Variants in TAFA1 observed in about 807,000 individuals in gnomAD.
The protein encoded by TAFA1 is chemokine-like protein TAFA-1.
A neutral mutation model predicts 18.5 loss-of-function variants in TAFA1; 4 were observed. That is an observed-to-expected ratio of 0.22 (90% CI 0.11 to 0.49). The LOEUF (loss-of-function observed/expected upper bound fraction) is 0.49. TAFA1 is among the 20% of genes least tolerant of loss of function. TAFA1 has a pLI of 0.98. For missense variants in TAFA1, 147 were observed against 169.0 expected (o/e 0.87, Z 0.72); for synonymous variants, 56 against 55.2 (o/e 1.01, Z -0.06).
chr3:68,528,109 C>T (rs766462090), intron 3 of TAFA1, among the ~76,000 whole-genome samples: 3 of 152,082 alleles, frequency 2.0e-5, no homozygotes, highest in Non-Finnish European at 4.4e-5. Flanking sequence ...AAGGCATTAA[C>T]CCTGTATGAA....
At chr3:68,134,830 C>G (rs1263316975) in intron 2 of TAFA1, among the ~76,000 whole-genome samples, 1 of 152,186 alleles carries the variant, frequency 6.6e-6, no homozygotes, top group Non-Finnish European at 1.5e-5. Context: ...GTTCCCTTTT[C>G]TTTCTTATTC....
intron 3 of TAFA1, among the ~76,000 whole-genome samples, chr3:68,527,308 C>T (rs1404902140): frequency 6.6e-6 from 1 of 152,196 alleles, no homozygotes; most frequent in Admixed American, 6.5e-5. Flanking sequence ...CCTTGAGTTG[C>T]AAAAGGTCTC....
At chr3:68,105,361 C>T (rs147976740) in intron 2 of TAFA1, among the ~76,000 whole-genome samples, 1 of 152,144 alleles carries the variant, frequency 6.6e-6, no homozygotes, top group Non-Finnish European at 1.5e-5. Flanking sequence ...GACAGAAACA[C>T]AGTCGTGTCA....
chr3:68,414,448 C>T (rs1228010259), intron 2 of TAFA1, among the ~76,000 whole-genome samples: 2 of 152,120 alleles, frequency 1.3e-5, no homozygotes, highest in Non-Finnish European at 2.9e-5. Context: ...AAGGCACAAC[C>T]ACTTGTGAAA....
At chr3:68,302,789 A>C (rs2068329527) in intron 2 of TAFA1, among the ~76,000 whole-genome samples, 1 of 152,148 alleles carries the variant, frequency 6.6e-6, no homozygotes, top group African/African-American at 2.4e-5. Flanking sequence ...TAACTATACA[A>C]ACCAGCAAGG....
intron 2 of TAFA1, among the ~76,000 whole-genome samples, chr3:68,253,986 C>G (rs1381237539): frequency 5.9e-5 from 9 of 152,034 alleles, no homozygotes; most frequent in African/African-American, 2.2e-4. Flanking sequence ...ACATAATTGG[C>G]AAATCTGTAA....
chr3:68,249,468 G>C (rs1345751358), intron 2 of TAFA1, among the ~76,000 whole-genome samples: 1 of 152,166 alleles, frequency 6.6e-6, no homozygotes, highest in Non-Finnish European at 1.5e-5. Context: ...AATCACAACT[G>C]TCAGGGCTTG....
intron 2 of TAFA1, among the ~76,000 whole-genome samples, chr3:68,070,772 C>A (rs924843300): frequency 1.3e-5 from 2 of 152,206 alleles, no homozygotes; most frequent in Non-Finnish European, 2.9e-5. Context: ...CTCTCAAGTT[C>A]AAAGTTCCAC....
At chr3:68,108,807 A>G (rs940014179) in intron 2 of TAFA1, among the ~76,000 whole-genome samples, 4 of 152,192 alleles carry the variant, frequency 2.6e-5, no homozygotes, top group Non-Finnish European at 4.4e-5. Flanking sequence ...TAAAAACATA[A>G]TATGTAAATG....
At chr3:68,539,113 T>C (rs2073322971) in intron 4 of TAFA1, among the ~76,000 whole-genome samples, 1 of 152,172 alleles carries the variant, frequency 6.6e-6, no homozygotes, top group Non-Finnish European at 1.5e-5. Context: ...ATAAATTAAG[T>C]TGGGTTTCCA....
intron 2 of TAFA1, among the ~76,000 whole-genome samples, chr3:68,237,151 T>G (rs1046114907): frequency 8.5e-5 from 13 of 152,202 alleles, no homozygotes; most frequent in African/African-American, 3.1e-4. Context: ...TTCTGGAGAC[T>G]GGCAAGTCCA....
chr3:68,317,450 A>G (rs2068622036), intron 2 of TAFA1, among the ~76,000 whole-genome samples: 1 of 152,230 alleles, frequency 6.6e-6, no homozygotes, highest in South Asian at 2.1e-4. Context: ...CCACTGCAAC[A>G]GAAGGTAAAG....
chr3:68,327,874 T>C (rs2068802276), intron 2 of TAFA1, among the ~76,000 whole-genome samples: 1 of 152,176 alleles, frequency 6.6e-6, no homozygotes, highest in Non-Finnish European at 1.5e-5. Flanking sequence ...ATGAAAAAGA[T>C]ATGGACCCAG....
intron 3 of TAFA1, among the ~76,000 whole-genome samples, chr3:68,439,994 TAAC>T (rs2071343022): frequency 6.6e-6 from 1 of 152,120 alleles, no homozygotes; most frequent in South Asian, 2.1e-4. Context: ...TACATAAAGT[TAAC>T]AACACTTAAA....
chr3:68,310,144 T>C (rs1349212174), intron 2 of TAFA1, among the ~76,000 whole-genome samples: 1 of 152,192 alleles, frequency 6.6e-6, no homozygotes, highest in Non-Finnish European at 1.5e-5. Context: ...TCATATTAGA[T>C]GTTACGTAAA....
At chr3:68,322,502 A>G (rs1449172116) in intron 2 of TAFA1, among the ~76,000 whole-genome samples, 1 of 152,136 alleles carries the variant, frequency 6.6e-6, no homozygotes, top group Non-Finnish European at 1.5e-5. Flanking sequence ...GAGAAGTTAC[A>G]TGTCTTGCCC....
At chr3:68,513,992 T>C (rs2072884804) in intron 3 of TAFA1, among the ~76,000 whole-genome samples, 1 of 152,172 alleles carries the variant, frequency 6.6e-6, no homozygotes. Context: ...AAGATCAAGG[T>C]GCTTTGCAGA....
At chr3:68,048,266 C>G (rs2064418411) in intron 2 of TAFA1, among the ~76,000 whole-genome samples, 1 of 151,898 alleles carries the variant, frequency 6.6e-6, no homozygotes, top group Non-Finnish European at 1.5e-5. Flanking sequence ...TGAAGACGGG[C>G]TTATGGCAGG....
At chr3:68,059,296 T>TTA (rs1158001048) in intron 2 of TAFA1, among the ~76,000 whole-genome samples, 3 of 151,866 alleles carry the variant, frequency 2.0e-5, no homozygotes, top group African/African-American at 7.3e-5. Context: ...ACCAGAAATG[T>TTA]TATATATATA....
Sources: allele counts gnomAD v4.1 joint callset (sites outside exome capture counted in the v4.1 genomes callset), GRCh38; gene constraint gnomAD v4.1.1; transcripts MANE v1.5; gene names NCBI Gene and HGNC (gene_info 2026-07-23, HGNC 2026-07-21).